CPED1: variants seen among roughly 807,000 people sequenced by gnomAD.
CPED1 encodes the protein cadherin-like and PC-esterase domain-containing protein 1.
A neutral mutation model predicts 128.2 loss-of-function variants in CPED1; 114 were observed. The ratio of observed to expected loss-of-function variants is 0.89; its 90% confidence interval spans 0.76 to 1.04. The LOEUF (loss-of-function observed/expected upper bound fraction) is 1.04. Among genes scored for constraint, CPED1 ranks in the 50% least tolerant of loss-of-function variants. The probability of loss-of-function intolerance (pLI) is 0.00; values close to 1 mark genes in which losing one functional copy is unlikely to be tolerated. For missense variants in CPED1, 1,211 were observed against 1,207.1 expected, an observed-to-expected ratio of 1.00 and a Z score of -0.05; for synonymous variants, 462 against 426.7, an observed-to-expected ratio of 1.08 and a Z score of -1.02.
intron 4 of CPED1, among the ~76,000 whole-genome samples, chr7:121,053,314 AT>A (rs201635050): frequency 8.0e-5 from 12 of 150,148 alleles, no homozygotes; most frequent in South Asian, 4.3e-4. Context: ...ATCTGATGCA[AT>A]TTTTTTTTTC....
chr7:121,288,990 A>T (rs964324318), intron 22 of CPED1, among the ~76,000 whole-genome samples: 10 of 152,212 alleles, frequency 6.6e-5, no homozygotes, highest in Admixed American at 3.9e-4. Context: ...TCAGGAAAAC[A>T]TTGATGCACC....
At chr7:121,028,411 C>A (rs572492704) in intron 3 of CPED1, among the ~76,000 whole-genome samples, 6 of 152,308 alleles carry the variant, frequency 3.9e-5, no homozygotes, top group South Asian at 2.1e-4. Context: ...CCTGAATCAA[C>A]CTTTCACTTT....
At chr7:121,099,820 C>A (rs1416653802) in intron 6 of CPED1, 106 bp from the exon 7 acceptor site, 3 of 1,136,740 alleles carry the variant, frequency 2.6e-6, no homozygotes, top group Admixed American at 2.4e-5. Context: ...TGAGGGCTGG[C>A]GTCCTACAAA....
intron 2 of CPED1, among the ~76,000 whole-genome samples, chr7:120,994,296 C>G (rs528608733): frequency 6.6e-6 from 1 of 152,152 alleles, no homozygotes; most frequent in Non-Finnish European, 1.5e-5. Context: ...CCTACAGAAC[C>G]TTGCTTCCTC....
At chr7:121,116,192 A>G (rs1795231208) in intron 7 of CPED1, among the ~76,000 whole-genome samples, 1 of 152,224 alleles carries the variant, frequency 6.6e-6, no homozygotes, top group Non-Finnish European at 1.5e-5. Context: ...AGTTTAATAT[A>G]TGCTATAAAG....
chr7:121,160,465 GA>G (rs201272068), intron 16 of CPED1, among the ~76,000 whole-genome samples: 229 of 152,316 alleles, frequency 1.5e-3, no homozygotes, highest in African/African-American at 5.0e-3. Flanking sequence ...CCTGCTCCCA[GA>G]GGGGGAAGGG....
intron 2 of CPED1, among the ~76,000 whole-genome samples, chr7:121,011,771 C>T (rs536548060): frequency 1.3e-5 from 2 of 152,120 alleles, no homozygotes; most frequent in South Asian, 2.1e-4. Flanking sequence ...CATAATCGCT[C>T]CTGTAGAGGA....
At chr7:121,060,932 G>A (rs1217761640) in intron 4 of CPED1, among the ~76,000 whole-genome samples, 1 of 151,944 alleles carries the variant, frequency 6.6e-6, no homozygotes, top group Non-Finnish European at 1.5e-5. Context: ...AAGCCAGCGA[G>A]ACCACGAGCC....
At chr7:121,285,065 G>A (rs760163229) in intron 22 of CPED1, among the ~76,000 whole-genome samples, 2 of 152,200 alleles carry the variant, frequency 1.3e-5, no homozygotes, top group Non-Finnish European at 2.9e-5. Flanking sequence ...CTGAAATCTA[G>A]GTGGAGGTTC....
chr7:121,256,439 T>C (rs1237961976), intron 18 of CPED1, among the ~76,000 whole-genome samples: 1 of 151,982 alleles, frequency 6.6e-6, no homozygotes, highest in African/African-American at 2.4e-5. Context: ...TTTCAAGATG[T>C]ATTAAAGATT....
At position 120,989,652 on chromosome 7, in the gene CPED1, C is replaced by T; in HGVS notation, c.31C>T (p.Arg11Trp). The T allele has an allele frequency of 3.1e-6, 5 of 1,613,804 alleles. No homozygotes were observed. Among genetic ancestry groups the T allele is most frequent in the Non-Finnish European group, 3.4e-6 (4 of 1,179,976 alleles). Residue 11 changes from arginine (R) to tryptophan (W), a missense_variant, in exon 2 of 23, where the codon CGG becomes TGG. Physicochemically the swap from Arg to Trp is moderately radical, Grantham distance 101. Coordinates refer to ENST00000310396, the MANE Select transcript of CPED1 (RefSeq NM_024913.5). The part of the protein sequence containing the change: MVCRPVFPCR[R>W]RFCPRPFLVG... ...CTGTCGCCCAGTGTTCCCTTGTCGT[C>T]GGCGATTTTGCCCCCGACCCTTCTT...
intron 22 of CPED1, among the ~76,000 whole-genome samples, chr7:121,281,746 AAACACT>A (rs1792469726): frequency 6.6e-6 from 1 of 152,176 alleles, no homozygotes; most frequent in Non-Finnish European, 1.5e-5. Flanking sequence ...TTTGTCTTTG[AAACACT>A]GTAATTTTTA....
chr7:121,200,189 G>A lies in CPED1; in HGVS notation c.2056-36525G>A, dbSNP rs34950855. On this transcript the variant is annotated intron_variant, in intron 16 of 22. Coordinates refer to ENST00000310396, the MANE Select transcript of CPED1 (RefSeq NM_024913.5). ...TATTCATCATTTAATGAATCAATTAGGGCAATGTTTCCAAGAGTGTGGCCT... is the reference window on the plus strand; with the variant it reads ...TATTCATCATTTAATGAATCAATTAAGGCAATGTTTCCAAGAGTGTGGCCT... Among the ~76,000 whole-genome samples the A allele has an allele frequency of 3.3e-5, 5 of 151,994 alleles. No individual in the cohort carries two copies. In the East Asian group the frequency reaches 9.6e-4, roughly 29 times the overall value.
chr7:121,181,583 A>C (rs1332805193), intron 16 of CPED1, among the ~76,000 whole-genome samples: 5 of 152,082 alleles, frequency 3.3e-5, no homozygotes, highest in Admixed American at 3.3e-4. Flanking sequence ...TTCCTCTTTA[A>C]TTTTCTAAGA....
At chr7:121,024,452 G>A (rs1485466803) in intron 3 of CPED1, among the ~76,000 whole-genome samples, 1 of 152,106 alleles carries the variant, frequency 6.6e-6, no homozygotes, top group Non-Finnish European at 1.5e-5. Flanking sequence ...GTTTACCAAA[G>A]TCCCTAGCAT....
At chr7:121,200,036 T>G (rs1797360958) in intron 16 of CPED1, among the ~76,000 whole-genome samples, 1 of 152,106 alleles carries the variant, frequency 6.6e-6, no homozygotes, top group Non-Finnish European at 1.5e-5. Context: ...AAGTGCTCAG[T>G]AGGTTACATG....
chr7:121,176,195 A>G (rs1206129308), intron 16 of CPED1, among the ~76,000 whole-genome samples: 4 of 66,352 alleles, frequency 6.0e-5, no homozygotes, highest in Admixed American at 1.3e-4. Context: ...CCCCGCTGGA[A>G]AAAAAAAAAA....
At chr7:121,181,478 T>A (rs536837754) in intron 16 of CPED1, among the ~76,000 whole-genome samples, 26 of 151,406 alleles carry the variant, frequency 1.7e-4, no homozygotes, top group African/African-American at 6.0e-4. Context: ...TTGAAATACA[T>A]TTCTCAAAAA....
At chr7:121,250,206 T>C (rs549883078) in intron 18 of CPED1, among the ~76,000 whole-genome samples, 162 of 152,256 alleles carry the variant, frequency 1.1e-3, no homozygotes, top group African/African-American at 3.8e-3. Context: ...CTGAACAACC[T>C]GCTCCTGAAT....
Sources: gnomAD v4.1 joint callset for allele counts (sites outside exome capture counted in the v4.1 genomes callset) on GRCh38, gnomAD v4.1.1 for gene constraint, MANE v1.5 for transcripts, NCBI Gene and HGNC (gene_info 2026-07-23, HGNC 2026-07-21) for gene names.